Variants in BSN observed in about 807,000 individuals in gnomAD.
The protein encoded by BSN is bassoon presynaptic cytomatrix protein.
In BSN, 57 loss-of-function variants were observed where a neutral mutation model predicts 264.8. That is an observed-to-expected ratio of 0.22 (90% CI 0.17 to 0.27). The LOEUF is 0.27. Ranked by LOEUF, BSN falls within the 10% of genes least tolerant of loss-of-function variation. The pLI, the probability that BSN is intolerant of heterozygous loss-of-function variation, is 1.00. For synonymous variants in BSN, 2,059 were observed against 2,137.3 expected (o/e 0.96, Z 1.01); for missense variants, 4,615 against 5,232.5 (o/e 0.88, Z 3.64).
At chr3:49,608,013 G>A (rs772847691) in intron 1 of BSN, among the ~76,000 whole-genome samples, 13 of 152,226 alleles carry the variant, frequency 8.5e-5, no homozygotes, top group Non-Finnish European at 1.6e-4. Context: ...TGGGAGGAGG[G>A]TATGGAGGGA....
chr3:49,656,268 C>T lies in BSN; in HGVS notation c.6712C>T (p.Leu2238Phe), dbSNP rs2052598618. 6 of 1,612,760 alleles carry T rather than the reference C, an allele frequency of 3.7e-6. No individual in the cohort carries two copies. The highest frequency in any genetic ancestry group is 2.2e-5 in the East Asian group (1 of 44,904). Reference sequence around the variant, plus strand: ...ATCTGGTGGAATCACAGCCGTGCCACTCACCAGTCTGACACGTGTGCCCAT... The same window carrying T: ...ATCTGGTGGAATCACAGCCGTGCCATTCACCAGTCTGACACGTGTGCCCAT... The part of the protein sequence containing the change: ...YASGGITAVP[L>F]TSLTRVPMIA... The change falls in exon 5 of 12, where the codon CTC becomes TTC. Residue 2238 changes from leucine to phenylalanine, a missense_variant. Physicochemically the swap from Leu to Phe is conservative, Grantham distance 22. Transcript: ENST00000296452.
intron 3 of BSN, among the ~76,000 whole-genome samples, chr3:49,646,363 T>C (rs1368499919): frequency 6.6e-6 from 1 of 152,238 alleles, no homozygotes; most frequent in Admixed American, 6.5e-5. Flanking sequence ...ATTGTGACAG[T>C]AACATTACCA....
In BSN at chr3:49,625,234, G is replaced by T. The variant is rs772981937; in HGVS notation, c.484G>T (p.Ala162Ser). ...PTSPYSVPQI[A>S]PLPSSTLCPI... ...ATCACCCTACTCCGTCCCTCAGATCGCCCCCCTTCCCAGCAGCACGCTGTG... is the reference window on the plus strand; with the variant it reads ...ATCACCCTACTCCGTCCCTCAGATCTCCCCCCTTCCCAGCAGCACGCTGTG... The change falls in exon 2 of 12, where the codon GCC (alanine) becomes TCC (serine). Residue 162 changes from alanine (A) to serine (S), a missense_variant. Coordinates refer to ENST00000296452, the MANE Select transcript of BSN (RefSeq NM_003458.4). This position sits in a 1 kb window ranked among gnomAD's most constrained non-coding sequence, Gnocchi z 4.4. 22 of 1,587,436 alleles carry T rather than the reference G, an allele frequency of 1.4e-5. No homozygotes were observed. Among genetic ancestry groups the T allele is most frequent in the Non-Finnish European group, 5.1e-6 (6 of 1,167,722 alleles).
chr3:49,568,154 G>A (rs926567043), intron 1 of BSN, among the ~76,000 whole-genome samples: 10 of 152,174 alleles, frequency 6.6e-5, no homozygotes, highest in Admixed American at 1.3e-4. Context: ...AGGAGGGGAC[G>A]TGGACTCTGT....
rs1217707520 is a variant in BSN, at chr3:49,664,543, A to G, written c.11729A>G (p.Lys3910Arg). The change falls in exon 9 of 12, where the codon AAA (lysine) becomes AGA (arginine). Residue 3910 changes from lysine (K) to arginine (R), a missense_variant. By Grantham distance (26) the Lys-to-Arg change is conservative. Around this residue, in one of 3 missense-constraint regions of BSN, gnomAD observed 3,415 missense variants for 3,866.4 expected, o/e 0.88. Coordinates refer to ENST00000296452, the MANE Select transcript of BSN (RefSeq NM_003458.4). ...GGCGGGGCAGCCGAGCAAGCTGGCAAACTGACGGAAGGTATGCACTGCCTG... is the reference window on the plus strand; with the variant it reads ...GGCGGGGCAGCCGAGCAAGCTGGCAGACTGACGGAAGGTATGCACTGCCTG... ...LPGGAAEQAG[K>R]LTEAVSAFGK... 6.2e-7 allele frequency: 1 copy of G among 1,605,902 alleles called. No individual in the cohort carries two copies. The highest frequency in any genetic ancestry group is 8.5e-7 in the Non-Finnish European group (1 of 1,176,374).
chr3:49,554,973 T>A (rs2051653887), intron 1 of BSN, 147 bp downstream of exon 1: 1 of 467,300 alleles, frequency 2.1e-6, no homozygotes, highest in African/African-American at 2.1e-5. Context: ...AACTGGGTGG[T>A]CGCGGGAAGC....
chr3:49,650,974 C>T lies in BSN; in HGVS notation c.1881C>T (p.Thr627=), dbSNP rs1365463122. ...EPMPKPPPET[T]PTPATPKVKS... is the part of the protein sequence containing the mutation. ...TGCCGAAGCCACCTCCAGAGACTAC[C>T]CCAACCCCTGCGACTCCTAAAGTAA... The change falls in exon 4 of 12, where the codon ACC becomes ACT. Residue 627 remains threonine (T), a synonymous_variant. Transcript: ENST00000296452. The T allele has an allele frequency of 4.3e-6, 7 of 1,614,178 alleles. No homozygotes were observed. Among genetic ancestry groups the T allele is most frequent in the Non-Finnish European group, 5.9e-6 (7 of 1,180,032 alleles).
intron 1 of BSN, among the ~76,000 whole-genome samples, chr3:49,566,058 C>G (rs951986454): frequency 1.1e-4 from 16 of 152,196 alleles, no homozygotes; most frequent in Non-Finnish European, 2.9e-5. Context: ...CGCCTTACCT[C>G]AGGTGATCTG....
chr3:49,616,580 C>T (rs1002018799), intron 1 of BSN, among the ~76,000 whole-genome samples: 8 of 152,322 alleles, frequency 5.3e-5, no homozygotes, highest in Admixed American at 2.0e-4. Context: ...CAACTGAAGG[C>T]GGTGGGGGGC....
In BSN at chr3:49,651,245, G is replaced by A. The variant is rs1575447542; in HGVS notation, c.1986+166G>A. ...GAAAGTCTAGATGAGGTTCTGGCAC[G>A]CTTGGAGACTGTGGGTTTTACACTG... On this transcript the variant is annotated intron_variant, in intron 4 of 11. Transcript: ENST00000296452. The surrounding 1 kb of genome is among the most constrained non-coding windows in gnomAD (Gnocchi z 5.4). The A allele has an allele frequency of 1.1e-5, 8 of 719,120 alleles. No individual in the cohort carries two copies. The highest frequency in any genetic ancestry group is 3.6e-5 in the African/African-American group (2 of 56,168). 44.5% of individuals were successfully genotyped at this position (719,120 alleles called of 1,614,324 possible).
intron 1 of BSN, among the ~76,000 whole-genome samples, chr3:49,599,885 G>A (rs1169723235): frequency 2.0e-5 from 3 of 152,148 alleles, no homozygotes; most frequent in Admixed American, 6.5e-5. Flanking sequence ...CATGGACTCT[G>A]TCGTTAAGGA....
chr3:49,662,606 G>A, intron 6 of BSN, 44 bp downstream of exon 6: 2 of 1,544,382 alleles, frequency 1.3e-6, no homozygotes, highest in East Asian at 2.3e-5. Context: ...TCAGCAGCTG[G>A]GGGGCCTGCC....
intron 1 of BSN, among the ~76,000 whole-genome samples, chr3:49,596,170 C>T (rs763051115): frequency 6.6e-6 from 1 of 151,968 alleles, no homozygotes; most frequent in Admixed American, 6.6e-5. Context: ...TTTGGGAGGC[C>T]GAGGTGGGTG....
intron 1 of BSN, among the ~76,000 whole-genome samples, chr3:49,565,856 C>T (rs11926781): frequency 0.28 from 42,884 of 152,030 alleles, 6,618 homozygotes; most frequent in Non-Finnish European, 0.31. Flanking sequence ...GAGTCTCGCC[C>T]TATTGCCTAG....
rs2052748630 is a variant in BSN at position 49,670,758 on chromosome 3, T to A, written c.*3273T>A. On this transcript the variant is annotated 3_prime_UTR_variant, in exon 12 of 12. Transcript: ENST00000296452. ...TCACTTCAGGGCCCAGTGCACTCAC[T>A]TCACAGTGACAGCCCTCCCCTACAA... is the stretch of plus-strand genomic sequence containing the variant. 6.6e-6 allele frequency: 1 copy of A among 152,272 alleles called. No individual in the cohort carries two copies. Among genetic ancestry groups the A allele is most frequent in the South Asian group, 2.1e-4 (1 of 4,828 alleles). The allele number at this position is 152,272 out of a possible 1,614,324, so 9.4% of individuals were successfully genotyped here. A position where few individuals can be genotyped will look rare whatever the true frequency, so the allele number is the denominator to read the frequency against.
intron 1 of BSN, among the ~76,000 whole-genome samples, chr3:49,566,812 G>C (rs1411807122): frequency 1.4e-5 from 2 of 144,040 alleles, no homozygotes; most frequent in African/African-American, 5.1e-5. Context: ...AAAAAAAAAG[G>C]ATTAGGGGAT....
chr3:49,565,546 T>G lies in BSN; in HGVS notation c.224+10720T>G, dbSNP rs2051746253. On this transcript the variant is annotated intron_variant, in intron 1 of 11. Coordinates refer to ENST00000296452, the MANE Select transcript of BSN (RefSeq NM_003458.4). ...CGTGTTAGCCAGGATGGGCCCGATC[T>G]CCTGACCTCGTGATCCACCCGCCTC... is the stretch of plus-strand genomic sequence containing the variant. Among the ~76,000 whole-genome samples, 2 of 152,066 alleles carry G rather than the reference T, an allele frequency of 1.3e-5. 1 individual carries two copies. Among genetic ancestry groups the G allele is most frequent in the South Asian group, 4.1e-4 (2 of 4,828 alleles).
At chr3:49,572,691 G>A (rs375939051) in intron 1 of BSN, among the ~76,000 whole-genome samples, 23 of 152,068 alleles carry the variant, frequency 1.5e-4, no homozygotes, top group Middle Eastern at 3.2e-3. Flanking sequence ...CCGCCACCAC[G>A]CCCGGCTAAT....
intron 3 of BSN, among the ~76,000 whole-genome samples, chr3:49,648,909 T>C (rs1293768567): frequency 6.6e-6 from 1 of 152,158 alleles, no homozygotes; most frequent in African/African-American, 2.4e-5. Context: ...GTGCATGAGG[T>C]TGGGCCTCGG....
Sources: allele counts gnomAD v4.1 joint callset (sites outside exome capture counted in the v4.1 genomes callset), GRCh38; gene constraint gnomAD v4.1.1; regional missense constraint gnomAD v4.1.1; non-coding constraint Gnocchi (gnomAD v3.1); transcripts MANE v1.5; gene names NCBI Gene and HGNC (gene_info 2026-07-23, HGNC 2026-07-21).